The following GNL3L variants were observed in gnomAD, a reference collection of about 807,000 sequenced individuals.
The protein encoded by GNL3L is guanine nucleotide-binding protein-like 3-like protein.
Under a neutral mutation model 42.9 loss-of-function variants are expected in GNL3L, and 4 were observed. That is an observed-to-expected ratio of 0.09 (90% CI 0.05 to 0.21). GNL3L has a LOEUF of 0.21. Among genes scored for constraint, GNL3L ranks in the 10% least tolerant of loss-of-function variants. GNL3L has a pLI of 1.00. For synonymous variants in GNL3L, 159 were observed against 176.3 expected (o/e 0.90, Z 0.78); for missense variants, 412 against 481.7 (o/e 0.86, Z 1.36).
intron 14 of GNL3L, among the ~76,000 whole-genome samples, chrX:54,557,382 C>G (rs1925126730): frequency 9.2e-6 from 1 of 109,253 alleles, no homozygotes; most frequent in Admixed American, 9.7e-5. Flanking sequence ...CCCACCTCAG[C>G]CTCCCAAGTG....
chrX:54,547,295 C>T (rs940650653), intron 8 of GNL3L, among the ~76,000 whole-genome samples: 3 of 111,624 alleles, frequency 2.7e-5, no homozygotes, highest in Non-Finnish European at 5.6e-5. Context: ...AGCACCCGGC[C>T]AGAAGCCACC....
chrX:54,640,134 G>A, the GNL3L span, among the ~76,000 whole-genome samples: 2 of 111,335 alleles, frequency 1.8e-5, no homozygotes, highest in South Asian at 3.9e-4. Context: ...TTCCTCTTCT[G>A]CCCTGACATC....
At chrX:54,577,442 G>T (rs746744493) in intron 16 of GNL3L, among the ~76,000 whole-genome samples, 3 of 111,210 alleles carry the variant, frequency 2.7e-5, no homozygotes, top group Non-Finnish European at 5.7e-5. Flanking sequence ...TGTTTGGTGA[G>T]AATACTCAAG....
chrX:54,587,732 G>A (rs919940855), intron 16 of GNL3L, among the ~76,000 whole-genome samples: 3 of 108,380 alleles, frequency 2.8e-5, no homozygotes, highest in African/African-American at 1.0e-4. Flanking sequence ...CCAGGCTGGA[G>A]TGCAGTGGCA....
At chrX:54,534,610 T>C (rs1476388016) in intron 2 of GNL3L, among the ~76,000 whole-genome samples, 1 of 111,583 alleles carries the variant, frequency 9.0e-6, no homozygotes. Flanking sequence ...GTGGATGCAT[T>C]GAGGCTCAGA....
intron 16 of GNL3L, among the ~76,000 whole-genome samples, chrX:54,593,001 T>A (rs1382490095): frequency 9.0e-6 from 1 of 111,357 alleles, no homozygotes; most frequent in Non-Finnish European, 1.9e-5. Context: ...ATCTTTTTAA[T>A]GCGTTGTTGA....
Position 54,562,888 on chromosome X carries a change from A to AT in GNL3L, c.*2287dup, listed in dbSNP as rs199976976. ...GGAACCCAAGCGTGATTAAAACCCTATGCAGGCCCTTTCCTCTATATTGTA... is the reference window on the plus strand; with the variant it reads ...GGAACCCAAGCGTGATTAAAACCCTATTGCAGGCCCTTTCCTCTATATTGTA... On this transcript the variant is annotated 3_prime_UTR_variant, in exon 16 of 16. Coordinates refer to ENST00000360845, the MANE Select transcript of GNL3L (RefSeq NM_001184819.2). Among the ~76,000 whole-genome samples, 10,066 of 110,768 alleles carry AT rather than the reference A, an allele frequency of 0.091. 610 individuals carry two copies. Among genetic ancestry groups the AT allele is most frequent in the East Asian group, 0.47 (1,630 of 3,433 alleles).
chrX:54,637,323 A>C, the GNL3L span, among the ~76,000 whole-genome samples: 1 of 111,925 alleles, frequency 8.9e-6, no homozygotes, highest in East Asian at 2.8e-4. Context: ...TTCTCTCAGT[A>C]GAATGTTGGC....
At position 54,564,564 on chromosome X, in the gene GNL3L, C is replaced by T. The variant is rs1387586531; in HGVS notation, c.*3962C>T. 9.6e-6 allele frequency among the ~76,000 whole-genome samples: 1 copy of T among 104,265 alleles called. No homozygotes were observed. Among genetic ancestry groups the T allele is most frequent in the African/African-American group, 3.5e-5 (1 of 28,437 alleles). 90.5% of individuals were successfully genotyped at this position (104,265 alleles called of 115,157 possible). ...CTGGGATTATGGGCGCCCGCCACCA[C>T]GCCCAGCTAATTTTTGTATTTTTAG... On this transcript the variant is annotated 3_prime_UTR_variant, in exon 16 of 16. Transcript: ENST00000360845.
At chrX:54,627,705 C>A in the GNL3L span, among the ~76,000 whole-genome samples, 1 of 111,615 alleles carries the variant, frequency 9.0e-6, no homozygotes, top group South Asian at 3.7e-4. Flanking sequence ...TATTGCATTT[C>A]TATTTTCATT....
At chrX:54,585,138 C>T (rs1345132446) in intron 16 of GNL3L, among the ~76,000 whole-genome samples, 3 of 111,957 alleles carry the variant, frequency 2.7e-5, no homozygotes, top group Admixed American at 9.5e-5. Flanking sequence ...TTCACCAAAA[C>T]TTGTCTTTTG....
chrX:54,538,871 C>G (rs1924525676), intron 2 of GNL3L, among the ~76,000 whole-genome samples, 169 bp from the exon 3 acceptor site: 1 of 112,263 alleles, frequency 8.9e-6, no homozygotes, highest in Admixed American at 9.5e-5. Context: ...AGTACTTCCT[C>G]TGATACTATT....
At chrX:54,638,436 T>C in the GNL3L span, among the ~76,000 whole-genome samples, 3 of 111,966 alleles carry the variant, frequency 2.7e-5, no homozygotes, top group African/African-American at 9.8e-5. Context: ...TCACCTTCGA[T>C]ATCTTTCCAT....
chrX:54,590,839 T>G lies in GNL3L; in HGVS notation c.*46-30006T>G, dbSNP rs536591631. ...ATTTATTCATTCATTCATTCATTCATTCAGTCAGTCAGTCAGAGCCTTGCT... is the reference window on the plus strand; with the variant it reads ...ATTTATTCATTCATTCATTCATTCAGTCAGTCAGTCAGTCAGAGCCTTGCT... On this transcript the variant is annotated intron_variant, in intron 16 of 16. Coordinates refer to the GNL3L transcript ENST00000674498. Among the ~76,000 whole-genome samples the G allele has an allele frequency of 2.3e-3, 258 of 110,650 alleles. 2 individuals are homozygous for G. The highest frequency in any genetic ancestry group is 9.3e-3 in the Middle Eastern group (2 of 216).
intron 16 of GNL3L, among the ~76,000 whole-genome samples, chrX:54,600,206 CTTTTT>C (rs1172527598): frequency 7.5e-5 from 1 of 13,399 alleles, no homozygotes; most frequent in East Asian, 2.4e-3. Context: ...CAATCTGCTG[CTTTTT>C]TTTTTTTTTT....
intron 1 of GNL3L, 89 bp from the exon 2 acceptor site, chrX:54,532,431 A>C: frequency 1.8e-6 from 1 of 546,750 alleles, no homozygotes; most frequent in Non-Finnish European, 3.1e-6. Context: ...AATGTTCTTT[A>C]ACATTTTACC....
chrX:54,539,084 A>C lies in GNL3L; in HGVS notation c.64A>C (p.Ser22Arg), dbSNP rs1222250730. 1.8e-6 allele frequency: 2 copies of C among 1,137,990 alleles called. No homozygotes were observed. Among genetic ancestry groups the C allele is most frequent in the Admixed American group, 4.6e-5 (2 of 43,941 alleles). 93.8% of individuals were successfully genotyped at this position (1,137,990 alleles called of 1,213,427 possible). ...AGGTTCCAAGGGCCACAAGAAGATA[A>C]GTTGGCCCTACCCTCAGGTAAGGTA... Reference protein sequence around the residue: ...GEGSKGHKKISWPYPQPAKQN... With the variant: ...GEGSKGHKKIRWPYPQPAKQN... Residue 22 changes from serine (S) to arginine (R), a missense_variant, in exon 3 of 16, where the codon AGT becomes CGT. Transcript: ENST00000360845.
downstream of GNL3L, among the ~76,000 whole-genome samples, chrX:54,568,966 A>G (rs1925506613): frequency 1.8e-5 from 2 of 112,442 alleles, no homozygotes; most frequent in African/African-American, 3.2e-5. Flanking sequence ...CTTTGCATGC[A>G]TTGGGATCAT....
intron 16 of GNL3L, among the ~76,000 whole-genome samples, chrX:54,582,581 C>A (rs1925731307): frequency 8.9e-6 from 1 of 111,826 alleles, no homozygotes; most frequent in African/African-American, 3.2e-5. Context: ...TTCTAGTTTG[C>A]ATTTCTTTTT....
Sources: allele counts gnomAD v4.1 joint callset (sites outside exome capture counted in the v4.1 genomes callset), GRCh38; gene constraint gnomAD v4.1.1; transcripts MANE v1.5; gene names NCBI Gene and HGNC (gene_info 2026-07-23, HGNC 2026-07-21).